The following EMC2 variants were observed in gnomAD, a reference collection of about 807,000 sequenced individuals.
The protein encoded by EMC2 is ER membrane protein complex subunit 2, also known as TPR repeat protein 35.
In EMC2, 37 loss-of-function variants were observed where a neutral mutation model predicts 51.6. That is an observed-to-expected ratio of 0.72 (90% CI 0.55 to 0.94). EMC2 has a LOEUF of 0.94. Ranked by LOEUF, EMC2 falls within the 40% of genes least tolerant of loss-of-function variation. The pLI is 0.00. For missense variants in EMC2, 359 were observed against 350.9 expected (o/e 1.02, Z -0.18); for synonymous variants, 131 against 112.4 (o/e 1.17, Z -1.04).
chr8:108,482,140 C>T (rs546007984), intron 10 of EMC2, among the ~76,000 whole-genome samples: 2 of 152,124 alleles, frequency 1.3e-5, no homozygotes, highest in Non-Finnish European at 2.9e-5. Flanking sequence ...CTAATAGCCC[C>T]ACATCTTCAC....
rs370526332 is a variant in EMC2, at chr8:108,478,981, T to A, written c.703-25T>A. On this transcript the variant is annotated intron_variant, in intron 9 of 10. Transcript: ENST00000220853. ...TTGACTAGCAAAAAAGGAATTTTGCTTTTGATGTTTTTATTTGTTTTTAGT... is the reference window on the plus strand; with the variant it reads ...TTGACTAGCAAAAAAGGAATTTTGCATTTGATGTTTTTATTTGTTTTTAGT... 1.3e-5 allele frequency: 19 copies of A among 1,448,164 alleles called. No individual in the cohort carries two copies. The African/African-American group carries it at 2.7e-4, about 21-fold the overall frequency. The allele number at this position is 1,448,164 out of a possible 1,614,324, so 89.7% of individuals were successfully genotyped here.
At chr8:108,464,092 A>G (rs1586184361) in intron 5 of EMC2, 1 of 152,214 alleles carries the variant, frequency 6.6e-6, no homozygotes, top group South Asian at 2.1e-4. Flanking sequence ...CCAGCTCTGC[A>G]GGTTGCATTT....
chr8:108,461,752 A>G (rs750060914), intron 5 of EMC2, among the ~76,000 whole-genome samples: 8 of 152,166 alleles, frequency 5.3e-5, no homozygotes, highest in Non-Finnish European at 7.3e-5. Flanking sequence ...AATTGTGGAC[A>G]ATATAAAATG....
At chr8:108,443,723 GGAAAGACTAAAAGC>G (rs763291757) in intron 1 of EMC2, 25 bp downstream of exon 1, 1 of 1,597,886 alleles carries the variant, frequency 6.3e-7, no homozygotes, top group South Asian at 1.1e-5. Flanking sequence ...GGGCGGGTGC[GGAAAGACTAAAAGC>G]GCTGGGAAGC....
intron 10 of EMC2, among the ~76,000 whole-genome samples, chr8:108,485,169 TG>T (rs749310295): frequency 7.9e-5 from 12 of 151,796 alleles, no homozygotes; most frequent in Non-Finnish European, 1.3e-4. Flanking sequence ...TGATGTTACC[TG>T]TGTTTGATCA....
At chr8:108,449,789 C>A in intron 1 of EMC2, 34 bp from the exon 2 acceptor site, 1 of 961,142 alleles carries the variant, frequency 1.0e-6, no homozygotes, top group Non-Finnish European at 1.7e-6. Context: ...TGTCTGGGTA[C>A]ATATACACTT....
chr8:108,450,537 G>C (rs755842420), intron 3 of EMC2, 45 bp downstream of exon 3: 53 of 1,116,392 alleles, frequency 4.7e-5, no homozygotes, highest in Non-Finnish European at 7.0e-5. Flanking sequence ...TTCATCAATT[G>C]TATACCGTAG....
At chr8:108,459,652 T>G (rs1005883043) in intron 5 of EMC2, among the ~76,000 whole-genome samples, 1 of 151,544 alleles carries the variant, frequency 6.6e-6, no homozygotes, top group African/African-American at 2.4e-5. Flanking sequence ...AAGGGAATTG[T>G]GGGATTTCCA....
chr8:108,483,619 TAAGCCCAAGC>T (rs1811084790), intron 10 of EMC2, among the ~76,000 whole-genome samples: 1 of 152,222 alleles, frequency 6.6e-6, no homozygotes, highest in African/African-American at 2.4e-5. Context: ...AAGGTAAATT[TAAGCCCAAGC>T]AAGGTATCTC....
intron 5 of EMC2, among the ~76,000 whole-genome samples, chr8:108,465,159 C>T (rs1193085331): frequency 6.6e-6 from 1 of 152,120 alleles, no homozygotes; most frequent in Middle Eastern, 3.2e-3. Flanking sequence ...AGGCATGTAG[C>T]CAGTTGGATG....
At chr8:108,465,029 CTTAATCCT>C (rs1468351027) in intron 5 of EMC2, among the ~76,000 whole-genome samples, 1 of 152,046 alleles carries the variant, frequency 6.6e-6, no homozygotes, top group Non-Finnish European at 1.5e-5. Flanking sequence ...GCCGGTAGGC[CTTAATCCT>C]TTAATCCTTT....
At chr8:108,467,686 C>T (rs552039725) in intron 5 of EMC2, among the ~76,000 whole-genome samples, 13 of 152,286 alleles carry the variant, frequency 8.5e-5, no homozygotes, top group Non-Finnish European at 1.9e-4. Flanking sequence ...AGATTACAGG[C>T]ATGCACCACT....
chr8:108,456,817 C>T (rs1343831489), intron 5 of EMC2, among the ~76,000 whole-genome samples: 1 of 152,098 alleles, frequency 6.6e-6, no homozygotes, highest in Non-Finnish European at 1.5e-5. Context: ...ATACATCAGT[C>T]ATTTTAATGT....
intron 1 of EMC2, among the ~76,000 whole-genome samples, chr8:108,444,081 C>G (rs996566552): frequency 1.3e-5 from 2 of 152,234 alleles, no homozygotes; most frequent in Non-Finnish European, 2.9e-5. Context: ...AACACAGGGC[C>G]TGTAAGGCCC....
At chr8:108,460,696 T>C (rs79558760) in intron 5 of EMC2, among the ~76,000 whole-genome samples, 2,588 of 152,300 alleles carry the variant, frequency 0.017, 80 homozygotes, top group African/African-American at 0.06. Flanking sequence ...TACAGAAATA[T>C]TCCAAAATTT....
chr8:108,468,172 A>G (rs1403905336), intron 5 of EMC2, among the ~76,000 whole-genome samples: 5 of 152,188 alleles, frequency 3.3e-5, no homozygotes, highest in East Asian at 3.8e-4. Flanking sequence ...TTTCCTGATT[A>G]TATGTTAATT....
chr8:108,459,611 G>A (rs562740507), intron 5 of EMC2, among the ~76,000 whole-genome samples: 60 of 152,138 alleles, frequency 3.9e-4, no homozygotes, highest in African/African-American at 1.4e-3. Flanking sequence ...CCATAATTCA[G>A]TCACCTCTCA....
At chr8:108,484,892 T>C (rs1250595013) in intron 10 of EMC2, among the ~76,000 whole-genome samples, 1 of 152,068 alleles carries the variant, frequency 6.6e-6, no homozygotes. Flanking sequence ...AAATGTGATA[T>C]TGCTGTTACC....
rs1464002387 is a variant in EMC2, at chr8:108,468,426, GATTA to G, written c.364-1394_364-1391del. On this transcript the variant is annotated intron_variant, in intron 5 of 10. Transcript: ENST00000220853. ...GTGCTAAAGGCCTTTGCCATGACCT[GATTA>G]ATTAAGGATATAGATTCTTTTTTTA... 2.2e-4 allele frequency among the ~76,000 whole-genome samples: 34 copies of G among 152,132 alleles called. 1 individual carries two copies. The East Asian group carries it at 3.3e-3, about 15-fold the overall frequency.
Sources: gnomAD v4.1 joint callset for allele counts (sites outside exome capture counted in the v4.1 genomes callset) on GRCh38, gnomAD v4.1.1 for gene constraint, MANE v1.5 for transcripts, NCBI Gene and HGNC (gene_info 2026-07-23, HGNC 2026-07-21) for gene names.